PCCB: variants seen among roughly 807,000 people sequenced by gnomAD.
PCCB encodes propionyl-CoA carboxylase subunit beta.
A neutral mutation model predicts 60.7 loss-of-function variants in PCCB; 43 were observed. The observed-to-expected ratio is 0.71, with a 90% CI of 0.55 to 0.91. The LOEUF (loss-of-function observed/expected upper bound fraction) is 0.91, where lower values mean the gene tolerates loss of function less well. Among genes scored for constraint, PCCB ranks in the 40% least tolerant of loss-of-function variants. PCCB has a pLI of 0.00. For missense variants in PCCB, 766 were observed against 702.8 expected (o/e 1.09, Z -1.02); for synonymous variants, 276 against 255.9 (o/e 1.08, Z -0.75).
chr3:136,274,372 A>G lies in PCCB; in HGVS notation c.544-9465A>G, dbSNP rs550445860. Among the ~76,000 whole-genome samples the G allele has an allele frequency of 1.1e-4, 17 of 152,210 alleles. No homozygotes were observed. In the South Asian group the frequency reaches 1.5e-3, roughly 13 times the overall value. ...CTGAAAATGGCTTTATCTCTCCTTC[A>G]TTTAGGAAACTTAGTTTTGCTGGAT... On this transcript the variant is annotated intron_variant, in intron 5 of 14. Transcript: ENST00000251654.
intron 5 of PCCB, among the ~76,000 whole-genome samples, chr3:136,270,366 A>C (rs1488689583): frequency 6.6e-6 from 1 of 152,126 alleles, no homozygotes; most frequent in Non-Finnish European, 1.5e-5. Flanking sequence ...AGTAATTCTC[A>C]CCTCATAGAA....
intron 12 of PCCB, 123 bp downstream of exon 12, chr3:136,327,378 C>G (rs1458990639): frequency 5.0e-6 from 4 of 796,294 alleles, no homozygotes; most frequent in African/African-American, 3.4e-5. Context: ...TTAAAAAGAT[C>G]TCTTGAGGAT....
chr3:136,318,448 G>C (rs1348400129), intron 10 of PCCB, among the ~76,000 whole-genome samples: 1 of 152,174 alleles, frequency 6.6e-6, no homozygotes, highest in Non-Finnish European at 1.5e-5. Context: ...CCCATTTAAA[G>C]TAGTGCAACC....
intron 5 of PCCB, among the ~76,000 whole-genome samples, chr3:136,282,634 G>T (rs953137846): frequency 1.3e-5 from 2 of 152,146 alleles, no homozygotes; most frequent in African/African-American, 4.8e-5. Context: ...ACTCAAAACA[G>T]TGTTAATTAT....
At chr3:136,262,800 T>C (rs1225992434) in intron 5 of PCCB, among the ~76,000 whole-genome samples, 1 of 152,180 alleles carries the variant, frequency 6.6e-6, no homozygotes, top group Non-Finnish European at 1.5e-5. Flanking sequence ...CTTCTGTGGA[T>C]GGCTTGGCCT....
chr3:136,254,619 G>A (rs1291406978), intron 1 of PCCB, among the ~76,000 whole-genome samples: 4 of 133,640 alleles, frequency 3.0e-5, no homozygotes, highest in Admixed American at 8.8e-5. Context: ...CACAACCTCC[G>A]CTTCCCAGGT....
intron 6 of PCCB, among the ~76,000 whole-genome samples, chr3:136,292,168 G>T (rs1435332431): frequency 2.0e-5 from 3 of 151,438 alleles, no homozygotes; most frequent in Admixed American, 6.6e-5. Context: ...CTTTTTATTT[G>T]TTAAGAAGGA....
chr3:136,313,838 A>G (rs903970445), intron 9 of PCCB, among the ~76,000 whole-genome samples: 5 of 152,152 alleles, frequency 3.3e-5, no homozygotes, highest in African/African-American at 1.2e-4. Context: ...TTTTCTCTGT[A>G]TTTGAGGATC....
At chr3:136,318,572 G>T (rs766361054) in intron 10 of PCCB, among the ~76,000 whole-genome samples, 1 of 152,138 alleles carries the variant, frequency 6.6e-6, no homozygotes, top group East Asian at 1.9e-4. Context: ...TCAGCCTCCA[G>T]CCTTTGCTAT....
chr3:136,276,450 C>T (rs865955275), intron 5 of PCCB, among the ~76,000 whole-genome samples: 3 of 152,174 alleles, frequency 2.0e-5, no homozygotes, highest in Admixed American at 1.3e-4. Context: ...CTCCCAGACT[C>T]GCTCCTGCCC....
At chr3:136,288,265 C>G (rs1174121173) in intron 6 of PCCB, among the ~76,000 whole-genome samples, 1 of 152,080 alleles carries the variant, frequency 6.6e-6, no homozygotes, top group Non-Finnish European at 1.5e-5. Context: ...GTATGTCCAT[C>G]ATATCCTGTT....
At chr3:136,310,303 C>T (rs537556243) in intron 9 of PCCB, among the ~76,000 whole-genome samples, 8 of 150,406 alleles carry the variant, frequency 5.3e-5, no homozygotes, top group African/African-American at 2.0e-4. Context: ...GCGGAGGTTG[C>T]GATGAGCCAA....
intron 5 of PCCB, among the ~76,000 whole-genome samples, chr3:136,270,888 G>A (rs1576414731): frequency 6.6e-6 from 1 of 152,122 alleles, no homozygotes; most frequent in African/African-American, 2.4e-5. Context: ...TTTCCTGATA[G>A]TGATGTGAGC....
Position 136,250,351 on chromosome 3 carries a change from T to C in PCCB, c.-25T>C, listed in dbSNP as rs778285068. 3 of 1,489,832 alleles carry C rather than the reference T, an allele frequency of 2.0e-6. 1 individual carries two copies. Among genetic ancestry groups the C allele is most frequent in the South Asian group, 2.7e-5 (2 of 74,530 alleles). The allele number at this position is 1,489,832 out of a possible 1,614,324, so 92.3% of individuals were successfully genotyped here. The stretch of plus-strand genomic sequence containing the variant: ...GCACATGCGTACTCAGGTGCGCCGG[T>C]AGGGGACGCGCCGGCACAGCAAAAA... On this transcript the variant is annotated 5_prime_UTR_variant, in exon 1 of 15. Transcript: ENST00000251654.
chr3:136,291,748 C>A (rs1933701907), intron 6 of PCCB, among the ~76,000 whole-genome samples: 1 of 152,136 alleles, frequency 6.6e-6, no homozygotes, highest in Non-Finnish European at 1.5e-5. Flanking sequence ...TGAGAGAAGA[C>A]CCTGTTAAGA....
rs61160895 is a variant in PCCB at position 136,268,087 on chromosome 3, GATATATATAT to G, written c.543+6047_543+6056del. 4.9e-3 allele frequency among the ~76,000 whole-genome samples: 460 copies of G among 93,784 alleles called. 4 individuals are homozygous for G. Among genetic ancestry groups the G allele is most frequent in the African/African-American group, 0.017 (365 of 21,724 alleles). 61.5% of individuals were successfully genotyped at this position (93,784 alleles called of 152,430 possible). On this transcript the variant is annotated intron_variant, in intron 5 of 14. Coordinates refer to ENST00000251654, the MANE Select transcript of PCCB (RefSeq NM_000532.5). ...GTGCGTGTGTGTGTGTGTGTGTGTA[GATATATATAT>G]ATATATATATATATATATATATATG...
chr3:136,255,868 G>C lies in PCCB; in HGVS notation c.196G>C (p.Ala66Pro). 6.2e-7 allele frequency: 1 copy of C among 1,614,000 alleles called. No individual in the cohort carries two copies. The highest frequency in any genetic ancestry group is 1.1e-5 in the South Asian group (1 of 91,078). Reference sequence around the variant, plus strand: ...TGTTCCATTGTAGGGAAAGCTAACAGCCAGGGAGAGGATCAGTCTCTTGCT... The same window carrying C: ...TGTTCCATTGTAGGGAAAGCTAACACCCAGGGAGAGGATCAGTCTCTTGCT... ...DAQHKRGKLT[A>P]RERISLLLDP... Residue 66 changes from alanine (A) to proline (P), a missense_variant, in exon 2 of 15, where the codon GCC (alanine) becomes CCC (proline). Transcript: ENST00000251654.
intron 6 of PCCB, 130 bp from the exon 7 acceptor site, chr3:136,293,626 A>C (rs571675201): frequency 1.3e-5 from 10 of 760,554 alleles, no homozygotes; most frequent in South Asian, 1.2e-4. Flanking sequence ...CGTATCTTTA[A>C]GCTACATCCT....
chr3:136,277,068 C>G (rs1343429161), intron 5 of PCCB, among the ~76,000 whole-genome samples: 2 of 152,200 alleles, frequency 1.3e-5, no homozygotes, highest in Non-Finnish European at 2.9e-5. Context: ...GACCTGTCCT[C>G]AAGTCTCCCA....
Sources: gnomAD v4.1 joint callset for allele counts (sites outside exome capture counted in the v4.1 genomes callset) on GRCh38, gnomAD v4.1.1 for gene constraint, MANE v1.5 for transcripts, NCBI Gene and HGNC (gene_info 2026-07-23, HGNC 2026-07-21) for gene names.